RYR2: variants seen among roughly 807,000 people sequenced by gnomAD.
The protein encoded by RYR2 is ryanodine receptor 2.
Under a neutral mutation model 601.1 loss-of-function variants are expected in RYR2, and 227 were observed. The ratio of observed to expected loss-of-function variants is 0.38; its 90% CI spans 0.34 to 0.42. RYR2 has a LOEUF of 0.42. RYR2 is among the 10% of genes least tolerant of loss of function. The pLI, the probability that RYR2 is intolerant of heterozygous loss-of-function variation, is 1.00. For synonymous variants in RYR2, 2,223 were observed against 2,175.1 expected, an observed-to-expected ratio of 1.02 and a Z score of -0.61; for missense variants, 4,646 against 6,156.5, an observed-to-expected ratio of 0.75 and a Z score of 8.21.
chr1:237,827,183 A>G (rs1423319430), intron 101 of RYR2, among the ~76,000 whole-genome samples: 1 of 152,218 alleles, frequency 6.6e-6, no homozygotes, highest in Non-Finnish European at 1.5e-5. Flanking sequence ...GAGTGTAAAA[A>G]TAACGTGTTT....
chr1:237,394,428 A>G (rs1702645134), intron 10 of RYR2, among the ~76,000 whole-genome samples: 3 of 152,194 alleles, frequency 2.0e-5, no homozygotes, highest in African/African-American at 7.2e-5. Context: ...GAGCTCCTGA[A>G]TAAACAAGTA....
chr1:237,764,738 C>A (rs905798701), intron 84 of RYR2, among the ~76,000 whole-genome samples: 1 of 152,082 alleles, frequency 6.6e-6, no homozygotes, highest in Non-Finnish European at 1.5e-5. Flanking sequence ...TGAGCCACCA[C>A]GCCTGGCTGC....
intron 29 of RYR2, among the ~76,000 whole-genome samples, chr1:237,588,892 G>GA (rs5781973): frequency 0.31 from 42,990 of 140,088 alleles, 6,329 homozygotes; most frequent in South Asian, 0.44. Context: ...ATCCCCTTGT[G>GA]AAAAAAAAAA....
At chr1:237,831,076 G>A (rs542440414) in intron 103 of RYR2, among the ~76,000 whole-genome samples, 3 of 151,952 alleles carry the variant, frequency 2.0e-5, no homozygotes, top group African/African-American at 4.8e-5. Flanking sequence ...TCCATTACTC[G>A]AGATTAGCCA....
intron 84 of RYR2, among the ~76,000 whole-genome samples, chr1:237,767,291 G>T (rs1480357980): frequency 6.6e-6 from 1 of 152,076 alleles, no homozygotes; most frequent in Non-Finnish European, 1.5e-5. Context: ...AGTTACTGAT[G>T]GTAACTTTAC....
rs766680643 is a variant in RYR2 at position 237,806,092 on chromosome 1, G to A, written c.14152-45G>A. The A allele has an allele frequency of 4.1e-5, 65 of 1,574,634 alleles. No individual in the cohort carries two copies. The East Asian group carries it at 8.8e-4, about 21-fold the overall frequency. ...GCTTAACCCATAACAATAGTCATGC[G>A]TTCTGTTTTCTGACATGTTCTTTCC... On this transcript the variant is annotated intron_variant, in intron 98 of 104. Coordinates refer to ENST00000366574, the MANE Select transcript of RYR2 (RefSeq NM_001035.3).
At chr1:237,280,002 A>T (rs148288108) in intron 2 of RYR2, among the ~76,000 whole-genome samples, 162 of 152,366 alleles carry the variant, frequency 1.1e-3, no homozygotes, top group African/African-American at 3.8e-3. Context: ...AGATGTAACA[A>T]TATCAAGAGC....
At chr1:237,442,874 A>G (rs1302114297) in intron 13 of RYR2, among the ~76,000 whole-genome samples, 3 of 152,252 alleles carry the variant, frequency 2.0e-5, no homozygotes, top group Admixed American at 6.5e-5. Flanking sequence ...TATAACTCGA[A>G]CTAGATGAAC....
chr1:237,566,262 T>C (rs1034282452), intron 27 of RYR2, among the ~76,000 whole-genome samples: 1 of 152,102 alleles, frequency 6.6e-6, no homozygotes, highest in Admixed American at 6.5e-5. Context: ...CCAAGGCACT[T>C]GGGTTTTGTT....
chr1:237,792,367 G>A (rs1289029908), intron 94 of RYR2, 44 bp downstream of exon 94: 8 of 879,042 alleles, frequency 9.1e-6, no homozygotes, highest in Non-Finnish European at 1.3e-5. Flanking sequence ...GTGTGTGTGT[G>A]TGTGTGTGTG....
At chr1:237,186,401 C>T (rs201804597) in intron 1 of RYR2, among the ~76,000 whole-genome samples, 51 of 152,086 alleles carry the variant, frequency 3.4e-4, no homozygotes, top group African/African-American at 1.1e-3. Flanking sequence ...ATGAGAAATC[C>T]GCATTCCACT....
In RYR2 at chr1:237,267,505, C is replaced by T. The variant is rs139122391; in HGVS notation, c.49-2992C>T. ...ACTGCACTCCAGCCTGGGTAGCAGA[C>T]TGAGACTCTGCCTCAAGAAAAGAAA... is the stretch of plus-strand genomic sequence containing the variant. On this transcript the variant is annotated intron_variant, in intron 1 of 104. Coordinates refer to ENST00000366574, the MANE Select transcript of RYR2 (RefSeq NM_001035.3). 3.5e-3 allele frequency: 721 copies of T among 206,828 alleles called. 3 individuals carry two copies. The highest frequency in any genetic ancestry group is 0.016 in the African/African-American group (656 of 42,146). The allele number at this position is 206,828 out of a possible 1,614,324, so 12.8% of individuals were successfully genotyped here. A position where few individuals can be genotyped will look rare whatever the true frequency, so the allele number is the denominator to read the frequency against.
intron 1 of RYR2, among the ~76,000 whole-genome samples, chr1:237,119,414 GTGTGTGTGCA>G (rs1041498079): frequency 3.3e-5 from 5 of 152,190 alleles, no homozygotes; most frequent in African/African-American, 4.8e-5. Context: ...AACTGCATGT[GTGTGTGTGCA>G]TGTGTGTGCG....
intron 81 of RYR2, among the ~76,000 whole-genome samples, chr1:237,757,140 A>T (rs1025463575): frequency 3.3e-5 from 5 of 152,210 alleles, no homozygotes; most frequent in African/African-American, 1.2e-4. Context: ...TTTCTAGGAT[A>T]AATAGAAGTG....
At chr1:237,702,081 C>G in intron 66 of RYR2, 22 bp downstream of exon 66, 1 of 1,347,426 alleles carries the variant, frequency 7.4e-7, no homozygotes, top group Non-Finnish European at 1.1e-6. Flanking sequence ...TAAAGTTTAA[C>G]TTTGTATTAA....
chr1:237,355,269 T>G (rs892186257), intron 3 of RYR2, among the ~76,000 whole-genome samples: 1 of 152,164 alleles, frequency 6.6e-6, no homozygotes, highest in Non-Finnish European at 1.5e-5. Flanking sequence ...TTTTTTATTC[T>G]GATTTATTTG....
At chr1:237,646,015 T>C (rs911908245) in intron 48 of RYR2, among the ~76,000 whole-genome samples, 3 of 151,140 alleles carry the variant, frequency 2.0e-5, no homozygotes, top group Admixed American at 6.6e-5. Flanking sequence ...TAGCTGGGAC[T>C]ACAGGCGCCC....
chr1:237,725,774 G>A (rs1690142687), intron 74 of RYR2, among the ~76,000 whole-genome samples: 1 of 151,974 alleles, frequency 6.6e-6, no homozygotes. Flanking sequence ...AAGCTTCCTG[G>A]TGGCAGGAAC....
chr1:237,280,513 G>A (rs1690745467), intron 2 of RYR2, among the ~76,000 whole-genome samples: 1 of 152,006 alleles, frequency 6.6e-6, no homozygotes, highest in East Asian at 1.9e-4. Context: ...ATATTCTTAT[G>A]TTTCAGTTAT....
Sources: gnomAD v4.1 joint callset for allele counts (sites outside exome capture counted in the v4.1 genomes callset) on GRCh38, gnomAD v4.1.1 for gene constraint, MANE v1.5 for transcripts, NCBI Gene and HGNC (gene_info 2026-07-23, HGNC 2026-07-21) for gene names.